USP54: variants seen among roughly 807,000 people sequenced by gnomAD.
The protein encoded by USP54 is ubiquitin specific peptidase 54, also known as ubiquitin carboxyl-terminal hydrolase 54.
Under a neutral mutation model 170.5 loss-of-function variants are expected in USP54, and 87 were observed. That is an observed-to-expected ratio of 0.51 (90% CI 0.43 to 0.61). The LOEUF is 0.61. Among genes scored for constraint, USP54 ranks in the 20% least tolerant of loss-of-function variants. The probability of loss-of-function intolerance (pLI) is 0.00; values close to 1 mark genes in which losing one functional copy is unlikely to be tolerated. For synonymous variants in USP54, 655 were observed against 742.8 expected (o/e 0.88, Z 1.92); for missense variants, 1,786 against 2,047.8 (o/e 0.87, Z 2.47).
intron 10 of USP54, 38 bp from the exon 11 acceptor site, chr10:73,536,475 C>T (rs1442531089): frequency 2.0e-6 from 3 of 1,489,376 alleles, no homozygotes; most frequent in Middle Eastern, 3.6e-4. Flanking sequence ...GACAATTATA[C>T]TTTATACCCA....
chr10:73,624,506 C>A (rs1273285429), intron 1 of USP54: 1 of 151,304 alleles, frequency 6.6e-6, no homozygotes, highest in Admixed American at 6.6e-5. Context: ...CCGCGCCCAG[C>A]CAAAAAGCCA....
chr10:73,507,718 T>C (rs2133198721), intron 20 of USP54, among the ~76,000 whole-genome samples: 1 of 143,984 alleles, frequency 6.9e-6, no homozygotes, highest in East Asian at 2.0e-4. Flanking sequence ...CTGGCCGTGG[T>C]AGCTCATGCC....
At chr10:73,587,583 T>C (rs898187872) in intron 1 of USP54, among the ~76,000 whole-genome samples, 1 of 152,158 alleles carries the variant, frequency 6.6e-6, no homozygotes, top group Non-Finnish European at 1.5e-5. Context: ...GAGAACATTA[T>C]GTGAATTATA....
intron 7 of USP54, among the ~76,000 whole-genome samples, chr10:73,542,184 C>T (rs1257779895): frequency 6.6e-6 from 1 of 152,056 alleles, no homozygotes; most frequent in South Asian, 2.1e-4. Context: ...CAGAAACCTC[C>T]GCCTCCTGGG....
At chr10:73,513,370 CAGA>C (rs1220658003) in intron 20 of USP54, 1 of 151,262 alleles carries the variant, frequency 6.6e-6, no homozygotes, top group Non-Finnish European at 1.5e-5. Flanking sequence ...GAGGCTGAGG[CAGA>C]AGAATTGCTT....
intron 1 of USP54, among the ~76,000 whole-genome samples, chr10:73,602,855 C>CAAA (rs60433926): frequency 0.042 from 1,732 of 41,268 alleles, 82 homozygotes; most frequent in East Asian, 0.1. Flanking sequence ...GACTCTGTCT[C>CAAA]AAAAAAAAAA....
intron 1 of USP54, among the ~76,000 whole-genome samples, chr10:73,606,175 C>CAAAAAAAAAAAAAAAAAAAAA: frequency 3.9e-5 from 1 of 25,622 alleles, no homozygotes. Context: ...GAGGCTGTCT[C>CAAAAAAAAAAAAAAAAAAAAA]AAAAAAAAAA....
intron 1 of USP54, among the ~76,000 whole-genome samples, chr10:73,615,798 T>C (rs2080576761): frequency 6.8e-6 from 1 of 147,808 alleles, no homozygotes; most frequent in Non-Finnish European, 1.5e-5. Context: ...GCTCACACTG[T>C]GGTCCCAGCT....
intron 5 of USP54, among the ~76,000 whole-genome samples, chr10:73,543,916 T>A (rs1030588719): frequency 6.6e-6 from 1 of 152,038 alleles, no homozygotes; most frequent in Non-Finnish European, 1.5e-5. Context: ...TTCAAGAATG[T>A]TATATAAATG....
At chr10:73,500,200 G>C (rs747155149) in intron 23 of USP54, among the ~76,000 whole-genome samples, 98 of 152,292 alleles carry the variant, frequency 6.4e-4, no homozygotes, top group African/African-American at 2.3e-3. Context: ...CACATGGTGT[G>C]GGTACTCCAT....
intron 1 of USP54, among the ~76,000 whole-genome samples, chr10:73,579,993 A>G (rs1488437134): frequency 1.3e-5 from 2 of 152,166 alleles, no homozygotes; most frequent in African/African-American, 4.8e-5. Context: ...GCCGATGAGG[A>G]ATCAGAGCAA....
chr10:73,608,970 A>C (rs1206543488), intron 1 of USP54, among the ~76,000 whole-genome samples: 1 of 152,220 alleles, frequency 6.6e-6, no homozygotes, highest in Non-Finnish European at 1.5e-5. Flanking sequence ...GATATCAGTA[A>C]GTACTCCAAA....
At chr10:73,603,541 C>T (rs775811010) in intron 1 of USP54, among the ~76,000 whole-genome samples, 2 of 151,960 alleles carry the variant, frequency 1.3e-5, no homozygotes, top group Non-Finnish European at 2.9e-5. Context: ...ATGGCGAAAC[C>T]CCATCTCTAC....
chr10:73,605,911 C>T (rs375865894), intron 1 of USP54, among the ~76,000 whole-genome samples: 27 of 152,028 alleles, frequency 1.8e-4, no homozygotes, highest in African/African-American at 5.3e-4. Flanking sequence ...GGTGTGGTAG[C>T]GCACACCTGT....
In USP54 at chr10:73,587,379, G is replaced by C. The variant is rs182031190; in HGVS notation, c.-582+3899C>G. ...GGTCCCAGCTACTCGGGAGGATGAG[G>C]CAGGAGAATGGCGTGAACCTGGGAG... On this transcript the variant is annotated intron_variant, in intron 1 of 23. Coordinates refer to ENST00000687698, the MANE Select transcript of USP54 (RefSeq NM_001391956.1). 2.5e-3 allele frequency among the ~76,000 whole-genome samples: 376 copies of C among 152,218 alleles called. 1 individual carries two copies. The highest frequency in any genetic ancestry group is 8.7e-3 in the African/African-American group (360 of 41,548).
chr10:73,576,205 C>T lies in USP54; in HGVS notation c.-425G>A, dbSNP rs1390470920. 6.6e-6 allele frequency: 1 copy of T among 152,226 alleles called. No homozygotes were observed. Among genetic ancestry groups the T allele is most frequent in the Non-Finnish European group, 1.5e-5 (1 of 68,062 alleles). 9.4% of individuals were successfully genotyped at this position (152,226 alleles called of 1,614,324 possible). On this transcript the variant is annotated 5_prime_UTR_variant, in exon 2 of 24. The change creates a new upstream start codon in the 5' untranslated region. Coordinates refer to ENST00000687698, the MANE Select transcript of USP54 (RefSeq NM_001391956.1). ...TTCTGAGCAACTGCAAAAGGTTCCA[C>T]AAAGCCAAGAAGAAGCCTGTTTGAA...
chr10:73,505,100 T>C, intron 21 of USP54, 110 bp from the exon 22 acceptor site: 3 of 1,461,334 alleles, frequency 2.1e-6, no homozygotes, highest in East Asian at 2.3e-5. Context: ...TCAGTAGTAA[T>C]AGACACCTGA....
At chr10:73,545,044 T>G (rs2067463714) in intron 5 of USP54, among the ~76,000 whole-genome samples, 1 of 152,094 alleles carries the variant, frequency 6.6e-6, no homozygotes, top group South Asian at 2.1e-4. Flanking sequence ...CAGAGAGTCT[T>G]TCGAAGGTTG....
chr10:73,504,458 C>A (rs980008084), intron 22 of USP54: 2 of 205,798 alleles, frequency 9.7e-6, no homozygotes, highest in South Asian at 9.8e-5. Context: ...ACACTGAATT[C>A]TATTCAATCA....
Sources: gnomAD v4.1 joint callset for allele counts (sites outside exome capture counted in the v4.1 genomes callset) on GRCh38, gnomAD v4.1.1 for gene constraint, MANE v1.5 for transcripts, NCBI Gene and HGNC (gene_info 2026-07-23, HGNC 2026-07-21) for gene names.